Variants in C6orf58 observed in about 807,000 individuals in gnomAD.
The protein encoded by C6orf58 is protein LEG1 homolog.
C6orf58 carries 30 observed loss-of-function variants against 37.0 expected under a neutral mutation model. That is an observed-to-expected ratio of 0.81 (90% CI 0.61 to 1.10). The LOEUF (loss-of-function observed/expected upper bound fraction) is 1.10. C6orf58 is among the 50% of genes least tolerant of loss of function. The probability of loss-of-function intolerance (pLI) is 0.00; values close to 1 mark genes in which losing one functional copy is unlikely to be tolerated. For synonymous variants in C6orf58, 143 were observed against 134.1 expected (o/e 1.07, Z -0.46); for missense variants, 368 against 387.5 (o/e 0.95, Z 0.42).
At chr6:127,588,575 T>C (rs6569504) in intron 4 of C6orf58, among the ~76,000 whole-genome samples, 112,001 of 152,148 alleles carry the variant, frequency 0.74, 42,623 homozygotes, top group East Asian at 1. Flanking sequence ...GGCTGACTTA[T>C]GTATGCCTGT....
Position 127,586,863 on chromosome 6 carries a change from G to A in C6orf58, c.675-3224G>A, listed in dbSNP as rs557574122. Among the ~76,000 whole-genome samples the A allele has an allele frequency of 3.3e-5, 5 of 152,240 alleles. No individual in the cohort carries two copies. In the East Asian group the frequency reaches 9.7e-4, roughly 29 times the overall value. Reference sequence around the variant, plus strand: ...ACCATGTTTAGTTCACACAGTTCAAGGACCCTCTGTTCTACCCTTTCCAGG... The same window carrying A: ...ACCATGTTTAGTTCACACAGTTCAAAGACCCTCTGTTCTACCCTTTCCAGG... On this transcript the variant is annotated intron_variant, in intron 4 of 5. Transcript: ENST00000329722.
intron 3 of C6orf58, 102 bp downstream of exon 3, chr6:127,580,551 C>G: frequency 1.2e-6 from 1 of 825,760 alleles, no homozygotes; most frequent in Non-Finnish European, 1.9e-6. Context: ...CCTTAGTATG[C>G]AGATGTAAAT....
chr6:127,587,139 C>T (rs1253520590), intron 4 of C6orf58, among the ~76,000 whole-genome samples: 4 of 152,110 alleles, frequency 2.6e-5, no homozygotes, highest in Non-Finnish European at 5.9e-5. Flanking sequence ...CAATTTTCAG[C>T]TTCCAAAATC....
At position 127,591,756 on chromosome 6, in the gene C6orf58, G is replaced by A; in HGVS notation, c.*134G>A. ...ATTCTTTCTGATATTTTTGATTTAT[G>A]CTTATTTGTTAAGATCTTGTACATG... On this transcript the variant is annotated 3_prime_UTR_variant, in exon 6 of 6. Transcript: ENST00000329722. The A allele has an allele frequency of 1.3e-6, 1 of 795,600 alleles. No individual in the cohort carries two copies. Among genetic ancestry groups the A allele is most frequent in the Non-Finnish European group, 1.7e-6 (1 of 581,060 alleles). The allele number at this position is 795,600 out of a possible 1,614,324, so 49.3% of individuals were successfully genotyped here.
Position 127,591,729 on chromosome 6 carries a change from T to C in C6orf58, c.*107T>C, listed in dbSNP as rs1042227604. 1 of 995,334 alleles carries C rather than the reference T, an allele frequency of 1.0e-6. No homozygotes were observed. The highest frequency in any genetic ancestry group is 1.7e-5 in the African/African-American group (1 of 59,378). The allele number at this position is 995,334 out of a possible 1,614,324, so 61.7% of individuals were successfully genotyped here. ...ATTAATGTCATCATGACCATGTAGT[T>C]TATTCTTTCTGATATTTTTGATTTA... On this transcript the variant is annotated 3_prime_UTR_variant, in exon 6 of 6. Transcript: ENST00000329722.
rs181474747 is a variant in C6orf58, at chr6:127,582,302, G to A, written c.674+1020G>A. 7.7e-3 allele frequency among the ~76,000 whole-genome samples: 1,175 copies of A among 152,264 alleles called. 12 individuals are homozygous for A. Among genetic ancestry groups the A allele is most frequent in the Admixed American group, 0.011 (170 of 15,272 alleles). On this transcript the variant is annotated intron_variant, in intron 4 of 5. Coordinates refer to ENST00000329722, the MANE Select transcript of C6orf58 (RefSeq NM_001010905.3). ...GGGAAACTATTATGATGGCTGTCAG[G>A]AGGCTGATACTAAGAGACAGAAGGA...
chr6:127,589,844 G>C (rs1775142692), intron 4 of C6orf58, among the ~76,000 whole-genome samples: 1 of 152,084 alleles, frequency 6.6e-6, no homozygotes, highest in Non-Finnish European at 1.5e-5. Flanking sequence ...AATTAAAGAA[G>C]ATAAAATGCA....
At chr6:127,577,586 T>C (rs1775003416) in intron 1 of C6orf58, 100 bp downstream of exon 1, 1 of 993,090 alleles carries the variant, frequency 1.0e-6, no homozygotes, top group Non-Finnish European at 1.5e-6. Flanking sequence ...TTTTTAAAAA[T>C]TGATTCTTTA....
At chr6:127,587,593 G>A (rs1775119963) in intron 4 of C6orf58, among the ~76,000 whole-genome samples, 1 of 152,146 alleles carries the variant, frequency 6.6e-6, no homozygotes, top group Admixed American at 6.5e-5. Context: ...CAAGATTCAA[G>A]GCTAATGATT....
intron 1 of C6orf58, 65 bp from the exon 2 acceptor site, chr6:127,578,621 G>T: frequency 1.8e-6 from 2 of 1,090,714 alleles, no homozygotes; most frequent in Non-Finnish European, 2.8e-6. Flanking sequence ...ATGTGGTTAA[G>T]CAATAGTTAC....
At chr6:127,590,457 C>G in intron 5 of C6orf58, 132 bp downstream of exon 5, 2 of 641,866 alleles carry the variant, frequency 3.1e-6, no homozygotes, top group South Asian at 3.9e-5. Context: ...GGTATCCATT[C>G]TATTTCTTTA....
At chr6:127,583,076 C>T (rs542600033) in intron 4 of C6orf58, among the ~76,000 whole-genome samples, 19 of 152,256 alleles carry the variant, frequency 1.2e-4, no homozygotes, top group Admixed American at 7.2e-4. Context: ...TGCCTACAAA[C>T]GTCGAATTAT....
Position 127,580,319 on chromosome 6 carries a change from T to A in C6orf58, c.443T>A (p.Val148Glu). ...LPFLAAVDSG[V>E]MGISSDQVRL... ...TTTCTTGCTGCGGTTGATTCTGGTG[T>A]AATGGGGATATCATCAGACCAAGTC... is the stretch of plus-strand genomic sequence containing the variant. Residue 148 changes from valine (V) to glutamate (E), a missense_variant, in exon 3 of 6, where the codon GTA becomes GAA. Val to Glu is a moderately radical substitution (Grantham distance 121). Coordinates refer to ENST00000329722, the MANE Select transcript of C6orf58 (RefSeq NM_001010905.3). 6.2e-7 allele frequency: 1 copy of A among 1,613,112 alleles called. No individual in the cohort carries two copies. The highest frequency in any genetic ancestry group is 8.5e-7 in the Non-Finnish European group (1 of 1,179,270).
At position 127,578,787 on chromosome 6, in the gene C6orf58, G is replaced by A; in HGVS notation, c.388+15G>A. ...TTGGTGGGCTGGTATGTTCGTTTAA[G>A]TGGCAAAATAGATATTAACCTTTCC... On this transcript the variant is annotated intron_variant, in intron 2 of 5. Coordinates refer to ENST00000329722, the MANE Select transcript of C6orf58 (RefSeq NM_001010905.3). The A allele has an allele frequency of 6.3e-7, 1 of 1,584,518 alleles. No homozygotes were observed. Among genetic ancestry groups the A allele is most frequent in the East Asian group, 2.2e-5 (1 of 44,668 alleles).
chr6:127,582,344 C>G (rs1043089325), intron 4 of C6orf58, among the ~76,000 whole-genome samples: 1 of 152,054 alleles, frequency 6.6e-6, no homozygotes, highest in Non-Finnish European at 1.5e-5. Context: ...ATGAATTGAA[C>G]CAACATAAAT....
intron 4 of C6orf58, among the ~76,000 whole-genome samples, chr6:127,583,952 T>A (rs943192082): frequency 1.3e-5 from 2 of 152,212 alleles, no homozygotes; most frequent in African/African-American, 4.8e-5. Context: ...TGGATTTGAT[T>A]GCTGTCAATC....
At chr6:127,578,943 G>C (rs1775019013) in intron 2 of C6orf58, among the ~76,000 whole-genome samples, 171 bp downstream of exon 2, 1 of 152,058 alleles carries the variant, frequency 6.6e-6, no homozygotes, top group African/African-American at 2.4e-5. Context: ...GGATTTAAGA[G>C]CCACAATGTC....
At chr6:127,591,425 G>A in intron 5 of C6orf58, 118 bp from the exon 6 acceptor site, 2 of 912,288 alleles carry the variant, frequency 2.2e-6, no homozygotes, top group Non-Finnish European at 3.0e-6. Context: ...TATAATTTAT[G>A]ATTTTACCAT....
chr6:127,591,644 G>T lies in C6orf58; in HGVS notation c.*22G>T, dbSNP rs750539884. The stretch of plus-strand genomic sequence containing the variant: ...CTGAAACATTTAACTTCAAACTTCA[G>T]GAAATGATTAATGAATTAAAAATGA... On this transcript the variant is annotated 3_prime_UTR_variant, in exon 6 of 6. Coordinates refer to ENST00000329722, the MANE Select transcript of C6orf58 (RefSeq NM_001010905.3). 2.7e-6 allele frequency: 4 copies of T among 1,469,782 alleles called. No homozygotes were observed. The highest frequency in any genetic ancestry group is 5.2e-5 in the East Asian group (2 of 38,402). 91.0% of individuals were successfully genotyped at this position (1,469,782 alleles called of 1,614,324 possible). A position where few individuals can be genotyped will look rare whatever the true frequency, so the allele number is the denominator to read the frequency against.
Sources: gnomAD v4.1 joint callset for allele counts (sites outside exome capture counted in the v4.1 genomes callset) on GRCh38, gnomAD v4.1.1 for gene constraint, MANE v1.5 for transcripts, NCBI Gene and HGNC (gene_info 2026-07-23, HGNC 2026-07-21) for gene names.